HORMAD2: variants seen among roughly 807,000 people sequenced by gnomAD.
HORMAD2 encodes HORMA domain-containing protein 2.
In HORMAD2, 45 loss-of-function variants were observed where a neutral mutation model predicts 38.8. The observed-to-expected ratio is 1.16, with a 90% CI of 0.91 to 1.49. The LOEUF is 1.49. Ranked by LOEUF, HORMAD2 falls within the 40% of genes most tolerant of loss-of-function variation. The probability of loss-of-function intolerance (pLI) is 0.00; values close to 1 mark genes in which losing one functional copy is unlikely to be tolerated. For synonymous variants in HORMAD2, 126 were observed against 122.8 expected (o/e 1.03, Z -0.17); for missense variants, 338 against 367.0 (o/e 0.92, Z 0.65).
At chr22:30,114,215 GA>G (rs1290765183) in intron 7 of HORMAD2, among the ~76,000 whole-genome samples, 3 of 152,230 alleles carry the variant, frequency 2.0e-5, no homozygotes, top group African/African-American at 4.8e-5. Flanking sequence ...TATGACCCAG[GA>G]AAAAATATTT....
chr22:30,081,583 CT>C (rs11412352), intron 1 of HORMAD2, among the ~76,000 whole-genome samples: 17 of 148,284 alleles, frequency 1.1e-4, no homozygotes, highest in African/African-American at 1.2e-4. Context: ...TTTCTTTTTT[CT>C]TTTTTTTTTG....
At chr22:30,104,904 T>TA (rs777799791) in intron 5 of HORMAD2, among the ~76,000 whole-genome samples, 1 of 152,210 alleles carries the variant, frequency 6.6e-6, no homozygotes, top group African/African-American at 2.4e-5. Context: ...CCTCAAATTT[T>TA]AAAAAAATAC....
the HORMAD2 span, among the ~76,000 whole-genome samples, chr22:30,202,615 C>T: frequency 6.6e-6 from 1 of 152,080 alleles, no homozygotes; most frequent in African/African-American, 2.4e-5. Context: ...TCAGCCTTAC[C>T]CCACCCAGCC....
At chr22:30,126,191 T>G (rs1268546133) in intron 10 of HORMAD2, among the ~76,000 whole-genome samples, 1 of 151,220 alleles carries the variant, frequency 6.6e-6, no homozygotes, top group Non-Finnish European at 1.5e-5. Flanking sequence ...TGAGACGGAG[T>G]CTCCCACTGT....
chr22:30,167,244 A>T (rs1184732490), intron 10 of HORMAD2, among the ~76,000 whole-genome samples: 1 of 152,224 alleles, frequency 6.6e-6, no homozygotes, highest in African/African-American at 2.4e-5. Flanking sequence ...ATCTGATTAC[A>T]TTTAGGGTCC....
At chr22:30,086,898 G>A (rs541245406) in intron 1 of HORMAD2, among the ~76,000 whole-genome samples, 1 of 152,170 alleles carries the variant, frequency 6.6e-6, no homozygotes, top group African/African-American at 2.4e-5. Context: ...GGGTTCAAGC[G>A]ATTCTCCTGC....
chr22:30,181,668 T>C (rs1926724221), downstream of HORMAD2, among the ~76,000 whole-genome samples: 1 of 152,238 alleles, frequency 6.6e-6, no homozygotes, highest in Non-Finnish European at 1.5e-5. Context: ...TGTCATAAAA[T>C]GCAGGTAACC....
chr22:30,090,099 A>T (rs560467732), intron 1 of HORMAD2, among the ~76,000 whole-genome samples: 2 of 152,326 alleles, frequency 1.3e-5, no homozygotes, highest in South Asian at 4.1e-4. Flanking sequence ...GTGGTGGCTC[A>T]TGCCTATAAT....
At chr22:30,119,948 T>C (rs1426280378) in intron 8 of HORMAD2, among the ~76,000 whole-genome samples, 3 of 152,236 alleles carry the variant, frequency 2.0e-5, no homozygotes, top group Non-Finnish European at 4.4e-5. Context: ...AAAATGAGAA[T>C]TAAAATATTA....
downstream of HORMAD2, among the ~76,000 whole-genome samples, chr22:30,182,064 G>A (rs1926742595): frequency 6.6e-6 from 1 of 152,128 alleles, no homozygotes; most frequent in Non-Finnish European, 1.5e-5. Context: ...TTTCCAAAAG[G>A]CAGCAAAGTG....
At position 30,111,813 on chromosome 22, in the gene HORMAD2, G is replaced by A; in HGVS notation, c.312G>A (p.Leu104=). 1 of 1,570,436 alleles carries A rather than the reference G, an allele frequency of 6.4e-7. No individual in the cohort carries two copies. The highest frequency in any genetic ancestry group is 8.6e-7 in the Non-Finnish European group (1 of 1,156,568). The part of the protein sequence containing the change: ...LEKRYLRMAV[L]TLYTDPMGSE... ...TCTTGAAGCTACGTATGGCAGTACT[G>A]ACAGTAAGTACACACTCATTTAAAG... Residue 104 remains leucine, a synonymous_variant, in exon 6 of 11, where the codon CTG becomes CTA. Transcript: ENST00000336726.
chr22:30,137,867 C>T (rs887467107), intron 10 of HORMAD2, among the ~76,000 whole-genome samples: 2 of 152,130 alleles, frequency 1.3e-5, no homozygotes, highest in Admixed American at 6.5e-5. Flanking sequence ...GTGAATAATG[C>T]TGCTATAAAC....
rs182768713 is a variant in HORMAD2, at chr22:30,143,998, A to G, written c.819+21784A>G. 2.0e-5 allele frequency among the ~76,000 whole-genome samples: 3 copies of G among 152,296 alleles called. No individual in the cohort carries two copies. In the East Asian group the frequency reaches 5.8e-4, roughly 29 times the overall value. On this transcript the variant is annotated intron_variant, in intron 10 of 10. Transcript: ENST00000336726. Reference sequence around the variant, plus strand: ...CTCACCAGAAGCTGATGCCAGTGCTATGCTTTCTGTACAGCCTACAGAACC... The same window carrying G: ...CTCACCAGAAGCTGATGCCAGTGCTGTGCTTTCTGTACAGCCTACAGAACC...
At chr22:30,183,474 C>T in the HORMAD2 span, among the ~76,000 whole-genome samples, 12,358 of 152,192 alleles carry the variant, frequency 0.081, 581 homozygotes, top group Middle Eastern at 0.13. Context: ...ATCACAATAC[C>T]AGTCAACATC....
chr22:30,200,932 T>C, the HORMAD2 span, among the ~76,000 whole-genome samples: 4 of 152,036 alleles, frequency 2.6e-5, no homozygotes, highest in South Asian at 8.3e-4. Flanking sequence ...GTATTTTTAG[T>C]AGAGACAAGG....
At chr22:30,093,759 TCTGAA>T (rs1306036668) in intron 1 of HORMAD2, among the ~76,000 whole-genome samples, 152 bp from the exon 2 acceptor site, 1 of 152,186 alleles carries the variant, frequency 6.6e-6, no homozygotes, top group African/African-American at 2.4e-5. Context: ...TAAATTTCTC[TCTGAA>T]CTGAACAATC....
the HORMAD2 span, among the ~76,000 whole-genome samples, chr22:30,183,991 A>C: frequency 3.1e-4 from 47 of 152,150 alleles, no homozygotes; most frequent in Non-Finnish European, 1.2e-4. Flanking sequence ...TATGTTAAAG[A>C]ATTGGTGTGG....
At chr22:30,125,216 C>CTTTTTTCTTTTTTTTTTTTTTTTTTTTT (rs1922758609) in intron 10 of HORMAD2, among the ~76,000 whole-genome samples, 2 of 43,484 alleles carry the variant, frequency 4.6e-5, no homozygotes, top group African/African-American at 2.1e-4. Flanking sequence ...TTTTTCTTTT[C>CTTTTTTCTTTTTTTTTTTTTTTTTTTTT]TTTTTTTTTT....
At chr22:30,141,066 C>T (rs746413146) in intron 10 of HORMAD2, among the ~76,000 whole-genome samples, 10 of 152,096 alleles carry the variant, frequency 6.6e-5, no homozygotes, top group South Asian at 2.1e-4. Flanking sequence ...GGAATGACCT[C>T]GGCTCACTGC....
Sources: gnomAD v4.1 joint callset for allele counts (sites outside exome capture counted in the v4.1 genomes callset) on GRCh38, gnomAD v4.1.1 for gene constraint, MANE v1.5 for transcripts, NCBI Gene and HGNC (gene_info 2026-07-23, HGNC 2026-07-21) for gene names.